Variants in ZNF420 observed in about 807,000 individuals in gnomAD.
ZNF420 encodes zinc finger protein 420.
In ZNF420, 31 loss-of-function variants were observed where a neutral mutation model predicts 44.7. The ratio of observed to expected loss-of-function variants is 0.69; its 90% CI spans 0.52 to 0.94. The LOEUF is 0.94. Among genes scored for constraint, ZNF420 ranks in the 40% least tolerant of loss-of-function variants. The pLI, the probability that ZNF420 is intolerant of heterozygous loss-of-function variation, is 0.00. For synonymous variants in ZNF420, 245 were observed against 267.4 expected, an observed-to-expected ratio of 0.92 and a Z score of 0.82; for missense variants, 681 against 827.9, an observed-to-expected ratio of 0.82 and a Z score of 2.18.
rs113930550 is a variant in ZNF420, at chr19:37,126,114, C to T, written c.137-1014C>T. Reference sequence around the variant, plus strand: ...AGCCACCCACTCTTTATTATGTAAACGCTCCAGTGGCTTCACTCAGGTGCC... The same window carrying T: ...AGCCACCCACTCTTTATTATGTAAATGCTCCAGTGGCTTCACTCAGGTGCC... On this transcript the variant is annotated intron_variant, in intron 4 of 4. Coordinates refer to ENST00000337995, the MANE Select transcript of ZNF420 (RefSeq NM_144689.5). 5.5e-3 allele frequency among the ~76,000 whole-genome samples: 836 copies of T among 152,258 alleles called. 3 individuals are homozygous for T. The highest frequency in any genetic ancestry group is 0.01 in the Middle Eastern group (3 of 294).
intron 4 of ZNF420, 59 bp from the exon 5 acceptor site, chr19:37,127,069 A>G: frequency 7.4e-7 from 1 of 1,356,770 alleles, no homozygotes; most frequent in Non-Finnish European, 9.7e-7. Flanking sequence ...TTTTCCTATT[A>G]TTTGTCTTTT....
Position 37,127,548 on chromosome 19 carries a change from A to G in ZNF420, c.557A>G (p.Gln186Arg), listed in dbSNP as rs1163558945. ...CGTGATTCACAACTCAGTCTTCATCAGAGACTTCATACTGGTGAGAAACCC... is the reference window on the plus strand; with the variant it reads ...CGTGATTCACAACTCAGTCTTCATCGGAGACTTCATACTGGTGAGAAACCC... ...FSRDSQLSLH[Q>R]RLHTGEKPYA... The change falls in exon 5 of 5, where the codon CAG becomes CGG. Residue 186 changes from glutamine to arginine, a missense_variant. By Grantham distance (43) the Gln-to-Arg change is conservative. Transcript: ENST00000337995. 2 of 1,613,838 alleles carry G rather than the reference A, an allele frequency of 1.2e-6. No homozygotes were observed. The highest frequency in any genetic ancestry group is 1.7e-5 in the Admixed American group (1 of 59,994).
chr19:37,108,584 T>C (rs1970221736), intron 4 of ZNF420, among the ~76,000 whole-genome samples: 1 of 152,212 alleles, frequency 6.6e-6, no homozygotes, highest in African/African-American at 2.4e-5. Flanking sequence ...TTCTATAGCT[T>C]GATTTCCAGA....
At chr19:37,114,166 T>A (rs561326864) in intron 4 of ZNF420, among the ~76,000 whole-genome samples, 1 of 152,300 alleles carries the variant, frequency 6.6e-6, no homozygotes, top group South Asian at 2.1e-4. Flanking sequence ...TCTTGCCTTA[T>A]CAATAATTTT....
upstream of ZNF420, among the ~76,000 whole-genome samples, chr19:37,073,474 C>T (rs1178918504): frequency 9.9e-5 from 15 of 152,064 alleles, 1 homozygote. Flanking sequence ...CGTGGTGGTT[C>T]ACACCTGTAA....
chr19:37,089,334 T>C (rs1969004642), intron 3 of ZNF420, among the ~76,000 whole-genome samples: 1 of 152,208 alleles, frequency 6.6e-6, no homozygotes, highest in Admixed American at 6.5e-5. Flanking sequence ...CAACAATATG[T>C]ATATTGTTCA....
intron 4 of ZNF420, among the ~76,000 whole-genome samples, chr19:37,124,744 T>G (rs911232432): frequency 1.3e-5 from 2 of 152,144 alleles, no homozygotes; most frequent in Non-Finnish European, 2.9e-5. Flanking sequence ...CTTGGCTCAC[T>G]GTAACCTCTG....
intron 1 of ZNF420, among the ~76,000 whole-genome samples, chr19:37,046,424 C>A (rs1043681932): frequency 1.3e-5 from 2 of 151,872 alleles, no homozygotes; most frequent in Non-Finnish European, 2.9e-5. Context: ...TGGAAATAAG[C>A]CAAAAGTTCA....
chr19:37,051,773 GTT>G (rs1410675165), intron 1 of ZNF420, among the ~76,000 whole-genome samples: 2 of 152,152 alleles, frequency 1.3e-5, no homozygotes, highest in Non-Finnish European at 2.9e-5. Context: ...TTTTGAATGT[GTT>G]TGCTCTTGCT....
At chr19:37,073,751 G>GGA (rs1968100110), upstream of ZNF420, among the ~76,000 whole-genome samples, 1 of 100,688 alleles carries the variant, frequency 9.9e-6, no homozygotes, top group African/African-American at 3.5e-5. Context: ...CCTGAAAAAA[G>GGA]AAAAAAAAAA....
At chr19:37,119,399 A>C (rs1477425216) in intron 4 of ZNF420, among the ~76,000 whole-genome samples, 5 of 152,208 alleles carry the variant, frequency 3.3e-5, no homozygotes, top group African/African-American at 1.2e-4. Context: ...TGAAGGCAGA[A>C]ATCAAGATGT....
chr19:37,021,924 G>A (rs116789292), intron 1 of ZNF420, among the ~76,000 whole-genome samples: 2,926 of 114,744 alleles, frequency 0.026, 73 homozygotes, highest in Middle Eastern at 0.11. Flanking sequence ...GCAACAGAGC[G>A]ACAGTCTGTC....
At position 37,101,266 on chromosome 19, in the gene ZNF420, G is replaced by A. The variant is rs371173915; in HGVS notation, c.136+10145G>A. Among the ~76,000 whole-genome samples, 124 of 152,220 alleles carry A rather than the reference G, an allele frequency of 8.1e-4. 3 individuals carry two copies. The South Asian group carries it at 0.02, about 25-fold the overall frequency. The stretch of plus-strand genomic sequence containing the variant: ...TCCCAGCACTTTGGGAAGCTGAGGC[G>A]GGTGGATCACCTGAGGTCAGGAGTT... On this transcript the variant is annotated intron_variant, in intron 4 of 4. Transcript: ENST00000337995.
chr19:37,119,958 T>G (rs1303667004), intron 4 of ZNF420, among the ~76,000 whole-genome samples: 3 of 151,998 alleles, frequency 2.0e-5, no homozygotes, highest in South Asian at 2.1e-4. Context: ...AATAACAGGA[T>G]CTGAAATTGT....
chr19:37,054,324 G>T (rs898796092), intron 1 of ZNF420, among the ~76,000 whole-genome samples: 1 of 152,204 alleles, frequency 6.6e-6, no homozygotes, highest in African/African-American at 2.4e-5. Flanking sequence ...GTGATGCCTT[G>T]CCCTGCTTCA....
At position 37,130,022 on chromosome 19, in the gene ZNF420, G is replaced by A; in HGVS notation, c.*964G>A. On this transcript the variant is annotated 3_prime_UTR_variant, in exon 5 of 5. Coordinates refer to ENST00000337995, the MANE Select transcript of ZNF420 (RefSeq NM_144689.5). ...TCTCTTTTTTAGTAACAAATTTCTG[G>A]GCTGAAAATCTCAGCCTTCCTTGCA... 6.6e-7 allele frequency: 1 copy of A among 1,524,068 alleles called. No individual in the cohort carries two copies. Among genetic ancestry groups the A allele is most frequent in the Non-Finnish European group, 8.8e-7 (1 of 1,133,308 alleles). 94.4% of individuals were successfully genotyped at this position (1,524,068 alleles called of 1,614,324 possible). A position where few individuals can be genotyped will look rare whatever the true frequency, so the allele number is the denominator to read the frequency against.
intron 1 of ZNF420, among the ~76,000 whole-genome samples, chr19:37,023,379 T>G (rs2074663729): frequency 6.6e-6 from 1 of 152,104 alleles, no homozygotes; most frequent in Non-Finnish European, 1.5e-5. Context: ...TTTTTTTTTC[T>G]TTTTGAGATG....
rs369022948 is a variant in ZNF420 at position 37,089,034 on chromosome 19, C to T, written c.-80-5C>T. On this transcript the variant is annotated splice_region_variant and splice_polypyrimidine_tract_variant and intron_variant, in intron 2 of 4. Coordinates refer to ENST00000337995, the MANE Select transcript of ZNF420 (RefSeq NM_144689.5). ...GGTCTCATGGTTCTGCTTTCTCCTC[C>T]GTAGCTCTGCATTCTCCAGACTCTG... 65 of 1,229,652 alleles carry T rather than the reference C, an allele frequency of 5.3e-5. No individual in the cohort carries two copies. The highest frequency in any genetic ancestry group is 1.2e-4 in the South Asian group (10 of 83,294). The allele number at this position is 1,229,652 out of a possible 1,614,324, so 76.2% of individuals were successfully genotyped here.
At chr19:37,113,103 G>A (rs1970470076) in intron 4 of ZNF420, among the ~76,000 whole-genome samples, 1 of 152,156 alleles carries the variant, frequency 6.6e-6, no homozygotes, top group Non-Finnish European at 1.5e-5. Flanking sequence ...AGTTTGTTGC[G>A]GGGCCTGAGG....
Sources: allele counts gnomAD v4.1 joint callset (sites outside exome capture counted in the v4.1 genomes callset), GRCh38; gene constraint gnomAD v4.1.1; transcripts MANE v1.5; gene names NCBI Gene and HGNC (gene_info 2026-07-23, HGNC 2026-07-21).